SLC24A3: variants seen among roughly 807,000 people sequenced by gnomAD.
SLC24A3 encodes the protein solute carrier family 24 member 3, also known as sodium/potassium/calcium exchanger 3.
Under a neutral mutation model 75.8 loss-of-function variants are expected in SLC24A3, and 28 were observed. That is an observed-to-expected ratio of 0.37 (90% CI 0.27 to 0.51). The LOEUF (loss-of-function observed/expected upper bound fraction) is 0.51. Among genes scored for constraint, SLC24A3 ranks in the 20% least tolerant of loss-of-function variants. SLC24A3 has a pLI of 0.94. For synonymous variants in SLC24A3, 372 were observed against 334.1 expected, an observed-to-expected ratio of 1.11 and a Z score of -1.24; for missense variants, 663 against 847.8, an observed-to-expected ratio of 0.78 and a Z score of 2.71.
intron 2 of SLC24A3, among the ~76,000 whole-genome samples, chr20:19,307,241 G>A (rs1028154079): frequency 6.6e-6 from 1 of 152,124 alleles, no homozygotes; most frequent in Admixed American, 6.5e-5. Flanking sequence ...TTGCAATCAT[G>A]CCTAATATTT....
chr20:19,481,926 C>T (rs1251007047), intron 2 of SLC24A3, among the ~76,000 whole-genome samples: 1 of 152,064 alleles, frequency 6.6e-6, no homozygotes, highest in Non-Finnish European at 1.5e-5. Context: ...TTTTCAAATG[C>T]TACATGTCCA....
At chr20:19,259,013 T>C (rs909030082) in intron 1 of SLC24A3, among the ~76,000 whole-genome samples, 5 of 152,194 alleles carry the variant, frequency 3.3e-5, no homozygotes, top group African/African-American at 1.2e-4. Context: ...CACAATTAAA[T>C]TAGAGCCAGG....
intron 3 of SLC24A3, among the ~76,000 whole-genome samples, chr20:19,553,691 G>A (rs1470647395): frequency 2.0e-5 from 3 of 152,180 alleles, no homozygotes; most frequent in African/African-American, 7.2e-5. Context: ...GCAACTGCAA[G>A]CCTTGTAAAT....
intron 1 of SLC24A3, among the ~76,000 whole-genome samples, chr20:19,240,311 G>A (rs1315955190): frequency 6.6e-6 from 1 of 152,140 alleles, no homozygotes; most frequent in Non-Finnish European, 1.5e-5. Flanking sequence ...TGAGGTTCCT[G>A]TTGCTTTGAA....
intron 2 of SLC24A3, among the ~76,000 whole-genome samples, chr20:19,333,764 G>A (rs6514991): frequency 0.14 from 21,553 of 151,788 alleles, 3,636 homozygotes; most frequent in African/African-American, 0.38. Flanking sequence ...GGGAAGGAGC[G>A]ACATTAGTAT....
chr20:19,223,302 C>T (rs888664079), intron 1 of SLC24A3, among the ~76,000 whole-genome samples: 8 of 138,430 alleles, frequency 5.8e-5, no homozygotes, highest in South Asian at 2.3e-4. Context: ...CGGGGTGGTG[C>T]GGTGGGGGAG....
chr20:19,713,235 A>G (rs898319652), intron 15 of SLC24A3, among the ~76,000 whole-genome samples: 1 of 152,236 alleles, frequency 6.6e-6, no homozygotes, highest in Non-Finnish European at 1.5e-5. Flanking sequence ...GCACACGTGG[A>G]CATGCCCTGC....
chr20:19,669,680 G>A (rs2424248), intron 8 of SLC24A3, among the ~76,000 whole-genome samples: 31,191 of 151,828 alleles, frequency 0.21, 4,139 homozygotes, highest in African/African-American at 0.38. Context: ...TTTTGAGTCC[G>A]AAGTTGTGAC....
intron 2 of SLC24A3, among the ~76,000 whole-genome samples, chr20:19,376,507 G>A (rs768397500): frequency 6.6e-6 from 1 of 152,134 alleles, no homozygotes; most frequent in Non-Finnish European, 1.5e-5. Flanking sequence ...GCAGGCTATC[G>A]TTCTAGCCCT....
At chr20:19,401,792 C>T (rs572443419) in intron 2 of SLC24A3, among the ~76,000 whole-genome samples, 4 of 152,188 alleles carry the variant, frequency 2.6e-5, no homozygotes, top group Admixed American at 6.5e-5. Context: ...ATGATGACTG[C>T]GGGAATTGGT....
At chr20:19,355,343 T>C (rs1407363362) in intron 2 of SLC24A3, among the ~76,000 whole-genome samples, 1 of 152,072 alleles carries the variant, frequency 6.6e-6, no homozygotes, top group Non-Finnish European at 1.5e-5. Flanking sequence ...CTGATTAAAA[T>C]CCAAAAAATG....
Position 19,305,051 on chromosome 20 carries a change from C to T in SLC24A3, c.271+23964C>T, listed in dbSNP as rs1267026574. 3.3e-5 allele frequency among the ~76,000 whole-genome samples: 5 copies of T among 152,152 alleles called. No individual in the cohort carries two copies. The East Asian group carries it at 5.8e-4, about 18-fold the overall frequency. ...CCCAAGTGGGATATGAGCGGCTCCC[C>T]ATGAAGGATCAACTCTGCCATGGGC... On this transcript the variant is annotated intron_variant, in intron 2 of 16. Transcript: ENST00000328041.
chr20:19,343,834 C>T (rs139264107), intron 2 of SLC24A3, among the ~76,000 whole-genome samples: 1 of 152,242 alleles, frequency 6.6e-6, no homozygotes, highest in East Asian at 1.9e-4. Flanking sequence ...GCGTCTCACT[C>T]ATAAAAAGGA....
intron 2 of SLC24A3, among the ~76,000 whole-genome samples, chr20:19,465,635 C>G (rs1987752609): frequency 6.6e-6 from 1 of 152,152 alleles, no homozygotes; most frequent in Non-Finnish European, 1.5e-5. Context: ...TATGTTATCT[C>G]TGCAGACCAA....
intron 2 of SLC24A3, among the ~76,000 whole-genome samples, chr20:19,394,032 G>A (rs1986408448): frequency 6.6e-6 from 1 of 152,096 alleles, no homozygotes; most frequent in Non-Finnish European, 1.5e-5. Flanking sequence ...GAATAGAATA[G>A]GTAGCCCATA....
At chr20:19,517,806 G>A (rs2030024666) in intron 3 of SLC24A3, among the ~76,000 whole-genome samples, 1 of 152,164 alleles carries the variant, frequency 6.6e-6, no homozygotes, top group Non-Finnish European at 1.5e-5. Flanking sequence ...AGACCCAAGT[G>A]GGGCAAGCTT....
At chr20:19,377,981 C>T (rs189909989) in intron 2 of SLC24A3, among the ~76,000 whole-genome samples, 12 of 152,246 alleles carry the variant, frequency 7.9e-5, no homozygotes, top group African/African-American at 4.8e-5. Flanking sequence ...CAGTGACAGC[C>T]GAGGAGCTTT....
At chr20:19,301,938 C>T (rs1346180987) in intron 2 of SLC24A3, among the ~76,000 whole-genome samples, 1 of 152,222 alleles carries the variant, frequency 6.6e-6, no homozygotes, top group Non-Finnish European at 1.5e-5. Context: ...ACTTAAAGCC[C>T]TGCATTCTCT....
At chr20:19,714,754 G>C (rs1172915535) in intron 15 of SLC24A3, among the ~76,000 whole-genome samples, 2 of 152,220 alleles carry the variant, frequency 1.3e-5, no homozygotes, top group African/African-American at 4.8e-5. Context: ...ACCAGATTTA[G>C]AATTTCAGCC....
Sources: allele counts gnomAD v4.1 joint callset (sites outside exome capture counted in the v4.1 genomes callset), GRCh38; gene constraint gnomAD v4.1.1; transcripts MANE v1.5; gene names NCBI Gene and HGNC (gene_info 2026-07-23, HGNC 2026-07-21).